The following HCN1 variants were observed in gnomAD, a reference collection of about 807,000 sequenced individuals.
HCN1 encodes the protein hyperpolarization activated cyclic nucleotide gated potassium channel 1.
A neutral mutation model predicts 78.9 loss-of-function variants in HCN1; 13 were observed. The observed-to-expected ratio is 0.16, with a 90% CI of 0.11 to 0.26. HCN1 has a LOEUF of 0.26. Among genes scored for constraint, HCN1 ranks in the 10% least tolerant of loss-of-function variants. The pLI, the probability that HCN1 is intolerant of heterozygous loss-of-function variation, is 1.00. For synonymous variants in HCN1, 552 were observed against 455.5 expected, an observed-to-expected ratio of 1.21 and a Z score of -2.70; for missense variants, 810 against 1,154.3, an observed-to-expected ratio of 0.70 and a Z score of 4.32.
intron 3 of HCN1, among the ~76,000 whole-genome samples, chr5:45,446,645 C>G (rs192421018): frequency 2.6e-5 from 4 of 152,038 alleles, no homozygotes; most frequent in African/African-American, 7.2e-5. Context: ...GAGAAAGGTC[C>G]GGTTACCCTC....
At chr5:45,291,575 C>T (rs1001708249) in intron 6 of HCN1, among the ~76,000 whole-genome samples, 1 of 151,936 alleles carries the variant, frequency 6.6e-6, no homozygotes, top group African/African-American at 2.4e-5. Flanking sequence ...GACAGAGTTG[C>T]ACTCTGTTGC....
rs575179661 is a variant in HCN1 at position 45,360,413 on chromosome 5, GA to G, written c.1231-7168del. Among the ~76,000 whole-genome samples, 457 of 151,834 alleles carry G rather than the reference GA, an allele frequency of 3.0e-3. 1 individual carries two copies. Among genetic ancestry groups the G allele is most frequent in the African/African-American group, 0.01 (435 of 41,464 alleles). On this transcript the variant is annotated intron_variant, in intron 4 of 7. Transcript: ENST00000303230. ...ACTAATCTATCTTAATTTTTACCAA[GA>G]AAAATTCTAGTATTGCCAGCTATTT...
intron 2 of HCN1, among the ~76,000 whole-genome samples, chr5:45,475,177 T>C (rs1247530885): frequency 2.6e-5 from 4 of 152,004 alleles, no homozygotes; most frequent in Non-Finnish European, 4.4e-5. Context: ...TTATACATAA[T>C]GAGTATATGA....
At chr5:45,360,483 TA>T (rs1478451185) in intron 4 of HCN1, among the ~76,000 whole-genome samples, 1 of 152,040 alleles carries the variant, frequency 6.6e-6, no homozygotes, top group Non-Finnish European at 1.5e-5. Flanking sequence ...ATCCTACATT[TA>T]AAAATACATA....
rs1561131679 is a variant in HCN1, at chr5:45,375,737, ATAT to A, written c.1230+20752_1230+20754del. On this transcript the variant is annotated intron_variant, in intron 4 of 7. Coordinates refer to ENST00000303230, the MANE Select transcript of HCN1 (RefSeq NM_021072.4). ...TATATATAATATCATATTTTATGAT[ATAT>A]CTTATATATAATATCATATTTTATG... Among the ~76,000 whole-genome samples, 30 of 117,570 alleles carry A rather than the reference ATAT, an allele frequency of 2.6e-4. 1 individual carries two copies. Among genetic ancestry groups the A allele is most frequent in the African/African-American group, 1.0e-3 (30 of 29,508 alleles). 77.1% of individuals were successfully genotyped at this position (117,570 alleles called of 152,430 possible).
intron 1 of HCN1, among the ~76,000 whole-genome samples, chr5:45,689,395 A>G (rs1739865521): frequency 6.6e-6 from 1 of 152,284 alleles, no homozygotes. Context: ...AGTAAGATTC[A>G]TAAGGTAGCA....
At chr5:45,464,032 G>T (rs1741220019) in intron 2 of HCN1, among the ~76,000 whole-genome samples, 2 of 152,076 alleles carry the variant, frequency 1.3e-5, no homozygotes, top group Admixed American at 1.3e-4. Context: ...AGTGGAGTAT[G>T]GAATGGTCTA....
At chr5:45,412,027 C>T (rs1298715190) in intron 3 of HCN1, among the ~76,000 whole-genome samples, 1 of 152,038 alleles carries the variant, frequency 6.6e-6, no homozygotes, top group Non-Finnish European at 1.5e-5. Flanking sequence ...TTAACCTCCT[C>T]CAATGTGGAG....
At chr5:45,561,801 G>A (rs1351720) in intron 2 of HCN1, among the ~76,000 whole-genome samples, 77,961 of 151,788 alleles carry the variant, frequency 0.51, 21,523 homozygotes, top group African/African-American at 0.72. Context: ...TCACATGTCC[G>A]GTGATTAATC....
chr5:45,342,762 G>A (rs1042228247), intron 5 of HCN1, among the ~76,000 whole-genome samples: 4 of 152,020 alleles, frequency 2.6e-5, no homozygotes, highest in African/African-American at 9.7e-5. Flanking sequence ...GTTTATAAAT[G>A]GTGAAGATAT....
At chr5:45,286,976 G>T (rs1228023953) in intron 6 of HCN1, among the ~76,000 whole-genome samples, 1 of 151,986 alleles carries the variant, frequency 6.6e-6, no homozygotes, top group African/African-American at 2.4e-5. Context: ...CAGCCATGGA[G>T]AAGTGTCTCC....
intron 1 of HCN1, among the ~76,000 whole-genome samples, chr5:45,690,147 A>G (rs751525058): frequency 3.2e-4 from 49 of 152,084 alleles, no homozygotes; most frequent in Non-Finnish European, 7.1e-4. Context: ...AAATTTATAA[A>G]TATTTACTAA....
At chr5:45,338,325 T>C (rs1746506864) in intron 5 of HCN1, among the ~76,000 whole-genome samples, 1 of 152,134 alleles carries the variant, frequency 6.6e-6, no homozygotes, top group South Asian at 2.1e-4. Flanking sequence ...CTTAACTATA[T>C]ATTAATGCCT....
chr5:45,274,966 T>C (rs894077965), intron 6 of HCN1, among the ~76,000 whole-genome samples: 2 of 152,176 alleles, frequency 1.3e-5, no homozygotes, highest in African/African-American at 4.8e-5. Flanking sequence ...TTACCAAACA[T>C]TGTCATATAT....
chr5:45,638,795 A>G (rs1477984524), intron 2 of HCN1, among the ~76,000 whole-genome samples: 1 of 152,094 alleles, frequency 6.6e-6, no homozygotes, highest in Non-Finnish European at 1.5e-5. Flanking sequence ...CCAGCTACTC[A>G]GGAGGCTGAG....
chr5:45,539,779 G>A (rs980418583), intron 2 of HCN1, among the ~76,000 whole-genome samples: 1 of 146,734 alleles, frequency 6.8e-6, no homozygotes, highest in Non-Finnish European at 1.5e-5. Flanking sequence ...CACTATTTGA[G>A]TTGAATATAA....
intron 1 of HCN1, among the ~76,000 whole-genome samples, chr5:45,667,364 T>A (rs751102464): frequency 1.3e-4 from 20 of 151,996 alleles, no homozygotes; most frequent in Admixed American, 9.2e-4. Context: ...GGGAAATCTA[T>A]TAGTTTCCTA....
intron 2 of HCN1, among the ~76,000 whole-genome samples, chr5:45,584,588 A>G (rs1308577737): frequency 6.6e-6 from 1 of 152,026 alleles, no homozygotes; most frequent in Non-Finnish European, 1.5e-5. Flanking sequence ...TTAGCTGGTT[A>G]TTTTGCTCCT....
intron 3 of HCN1, among the ~76,000 whole-genome samples, chr5:45,415,183 A>G (rs186522422): frequency 7.2e-5 from 11 of 152,194 alleles, no homozygotes; most frequent in Non-Finnish European, 1.2e-4. Context: ...TATAGCAGTT[A>G]TTTGTTTTAA....
Sources: allele counts gnomAD v4.1 joint callset (sites outside exome capture counted in the v4.1 genomes callset), GRCh38; gene constraint gnomAD v4.1.1; transcripts MANE v1.5; gene names NCBI Gene and HGNC (gene_info 2026-07-23, HGNC 2026-07-21).